The following FNBP1L variants were observed in gnomAD, a reference collection of about 807,000 sequenced individuals.
The protein encoded by FNBP1L is formin binding protein 1 like.
A neutral mutation model predicts 91.2 loss-of-function variants in FNBP1L; 36 were observed. The observed-to-expected ratio is 0.39, with a 90% CI of 0.30 to 0.52. The LOEUF (loss-of-function observed/expected upper bound fraction) is 0.52, where lower values mean the gene tolerates loss of function less well. Ranked by LOEUF, FNBP1L falls within the 20% of genes least tolerant of loss-of-function variation. The probability of loss-of-function intolerance (pLI) is 0.66; values close to 1 mark genes in which losing one functional copy is unlikely to be tolerated. For missense variants in FNBP1L, 571 were observed against 732.1 expected (o/e 0.78, Z 2.54); for synonymous variants, 242 against 237.0 (o/e 1.02, Z -0.19).
intron 2 of FNBP1L, among the ~76,000 whole-genome samples, chr1:93,505,804 G>C (rs1394463163): frequency 6.6e-6 from 1 of 152,124 alleles, no homozygotes; most frequent in Non-Finnish European, 1.5e-5. Flanking sequence ...TCAGCCTCCT[G>C]AGTAGCTGGC....
intron 7 of FNBP1L, 34 bp from the exon 8 acceptor site, chr1:93,532,887 AG>A (rs1557814156): frequency 6.5e-7 from 1 of 1,528,176 alleles, no homozygotes; most frequent in Non-Finnish European, 8.9e-7. Flanking sequence ...TGAAAAATTC[AG>A]TTTTCTCTTT....
intron 1 of FNBP1L, among the ~76,000 whole-genome samples, chr1:93,496,951 A>G (rs766295031): frequency 3.9e-5 from 6 of 152,116 alleles, no homozygotes; most frequent in South Asian, 2.1e-4. Flanking sequence ...CATCACAATT[A>G]GTTTCAGTGG....
At chr1:93,508,755 A>G (rs948075572) in intron 2 of FNBP1L, among the ~76,000 whole-genome samples, 5 of 152,134 alleles carry the variant, frequency 3.3e-5, no homozygotes, top group African/African-American at 9.7e-5. Context: ...CCTCTGTAGT[A>G]CTCATAATTC....
intron 2 of FNBP1L, among the ~76,000 whole-genome samples, chr1:93,521,409 C>T (rs868724995): frequency 4.6e-5 from 7 of 152,072 alleles, no homozygotes; most frequent in South Asian, 4.2e-4. Context: ...GAAAAAAAAG[C>T]GATGGTATTT....
intron 2 of FNBP1L, among the ~76,000 whole-genome samples, chr1:93,500,001 T>A (rs1217207487): frequency 2.0e-5 from 3 of 152,224 alleles, no homozygotes; most frequent in African/African-American, 7.2e-5. Context: ...GCTGAGTTTC[T>A]TTCTGTCAGT....
intron 2 of FNBP1L, among the ~76,000 whole-genome samples, chr1:93,519,681 G>A (rs1671255549): frequency 6.6e-6 from 1 of 152,222 alleles, no homozygotes; most frequent in Non-Finnish European, 1.5e-5. Flanking sequence ...CAAGGAGGAT[G>A]ACTCACACCT....
intron 1 of FNBP1L, among the ~76,000 whole-genome samples, chr1:93,450,082 T>C (rs1668437313): frequency 6.6e-6 from 1 of 152,174 alleles, no homozygotes; most frequent in South Asian, 2.1e-4. Context: ...ACTCTTAAGA[T>C]TTTTAAAAAA....
Position 93,547,441 on chromosome 1 carries a change from G to A in FNBP1L, c.1502G>A (p.Ser501Asn). Reference sequence around the variant, plus strand: ...CATCTTGTAACACAGGGACGAGAAAGGTGATTTTTTGTATTTTATTTGTAT... The same window carrying A: ...CATCTTGTAACACAGGGACGAGAAAAGTGATTTTTTGTATTTTATTTGTAT... ...INHLVTQGRE[S>N]PEGSYTDDAN... is the part of the protein sequence containing the mutation. Residue 501 changes from serine to asparagine, a missense_variant and splice_region_variant, in exon 14 of 17, where the codon AGT becomes AAT. Ser to Asn is a conservative substitution (Grantham distance 46, BLOSUM62 1). Transcript: ENST00000271234. 2 of 1,550,366 alleles carry A rather than the reference G, an allele frequency of 1.3e-6. No individual in the cohort carries two copies.
intron 1 of FNBP1L, among the ~76,000 whole-genome samples, chr1:93,460,285 C>T (rs953732069): frequency 2.0e-5 from 3 of 152,072 alleles, no homozygotes; most frequent in South Asian, 2.1e-4. Flanking sequence ...TGGTGTGTGA[C>T]GACATAGCAC....
chr1:93,496,577 T>C (rs1000024703), intron 1 of FNBP1L, among the ~76,000 whole-genome samples: 1 of 151,996 alleles, frequency 6.6e-6, no homozygotes, highest in Non-Finnish European at 1.5e-5. Flanking sequence ...ATTTTTAAAT[T>C]TTTTTTGTTA....
intron 11 of FNBP1L, among the ~76,000 whole-genome samples, chr1:93,543,563 A>G (rs920822562): frequency 1.3e-5 from 2 of 152,182 alleles, no homozygotes; most frequent in African/African-American, 4.8e-5. Context: ...TTCAAAGACT[A>G]TATGTAGTGT....
chr1:93,528,229 T>C (rs1557811474), intron 5 of FNBP1L, among the ~76,000 whole-genome samples: 1 of 152,168 alleles, frequency 6.6e-6, no homozygotes, highest in African/African-American at 2.4e-5. Context: ...GGATATCCCA[T>C]GTGCTCAGCA....
Position 93,552,492 on chromosome 1 carries a change from T to G in FNBP1L, c.*76T>G, listed in dbSNP as rs1672444931. The G allele has an allele frequency of 1.9e-6, 3 of 1,548,836 alleles. No homozygotes were observed. The highest frequency in any genetic ancestry group is 1.8e-6 in the Non-Finnish European group (2 of 1,134,762). Reference sequence around the variant, plus strand: ...TGCTTTTGGGGGAGGGTATTAGAGTTGTCAGGCTCAAAGAGAGTGAGAGAA... The same window carrying G: ...TGCTTTTGGGGGAGGGTATTAGAGTGGTCAGGCTCAAAGAGAGTGAGAGAA... On this transcript the variant is annotated 3_prime_UTR_variant, in exon 17 of 17. Coordinates refer to ENST00000271234, the MANE Select transcript of FNBP1L (RefSeq NM_001164473.3).
intron 1 of FNBP1L, among the ~76,000 whole-genome samples, chr1:93,481,611 T>C (rs893199756): frequency 2.6e-5 from 4 of 152,152 alleles, no homozygotes; most frequent in African/African-American, 9.7e-5. Context: ...CAAGAGAAAC[T>C]GAGGTTCAAA....
chr1:93,551,842 A>T, intron 16 of FNBP1L: 1 of 985,404 alleles, frequency 1.0e-6, no homozygotes, highest in Non-Finnish European at 1.2e-6. Flanking sequence ...TTCCAAACTA[A>T]TCTCATACTT....
intron 1 of FNBP1L, among the ~76,000 whole-genome samples, chr1:93,492,138 A>G (rs1670113331): frequency 6.6e-6 from 1 of 152,232 alleles, no homozygotes; most frequent in African/African-American, 2.4e-5. Context: ...GAAAATAAGA[A>G]TGACATTTAG....
chr1:93,538,572 G>A (rs1171141568), intron 10 of FNBP1L, among the ~76,000 whole-genome samples: 1 of 151,882 alleles, frequency 6.6e-6, no homozygotes, highest in Admixed American at 6.6e-5. Flanking sequence ...TTTGATTACC[G>A]TTTGGTATTT....
chr1:93,509,963 G>A (rs993467891), intron 2 of FNBP1L, among the ~76,000 whole-genome samples: 1 of 152,190 alleles, frequency 6.6e-6, no homozygotes, highest in Non-Finnish European at 1.5e-5. Flanking sequence ...AGGGTCCTAC[G>A]CCCACGGAGT....
rs761590537 is a variant in FNBP1L at position 93,552,782 on chromosome 1, T to G, written c.*366T>G. ...TCTTCCCTCCCAGCTCTGTTTTAAT[T>G]GGCTTTTAGACCCACTATCTGTCAG... is the stretch of plus-strand genomic sequence containing the variant. On this transcript the variant is annotated 3_prime_UTR_variant, in exon 17 of 17. Coordinates refer to ENST00000271234, the MANE Select transcript of FNBP1L (RefSeq NM_001164473.3). The G allele has an allele frequency of 6.2e-5, 12 of 192,670 alleles. No homozygotes were observed. Among genetic ancestry groups the G allele is most frequent in the Admixed American group, 1.8e-4 (3 of 16,562 alleles). 11.9% of individuals were successfully genotyped at this position (192,670 alleles called of 1,614,324 possible).
Sources: allele counts gnomAD v4.1 joint callset (sites outside exome capture counted in the v4.1 genomes callset), GRCh38; gene constraint gnomAD v4.1.1; transcripts MANE v1.5; gene names NCBI Gene and HGNC (gene_info 2026-07-23, HGNC 2026-07-21).